The following PIR variants were observed in gnomAD, a reference collection of about 807,000 sequenced individuals.
The protein encoded by PIR is pirin (iron-binding nuclear protein).
A neutral mutation model predicts 24.2 loss-of-function variants in PIR; 22 were observed. The ratio of observed to expected loss-of-function variants is 0.91; its 90% CI spans 0.65 to 1.30. The LOEUF is 1.30. Ranked by LOEUF, PIR falls within the 50% of genes most tolerant of loss-of-function variation. PIR has a pLI of 0.00. For missense variants in PIR, 220 were observed against 220.3 expected (o/e 1.00, Z 0.01); for synonymous variants, 80 against 79.6 (o/e 1.00, Z -0.03).
intron 7 of PIR, among the ~76,000 whole-genome samples, chrX:15,404,038 T>C (rs1924479870): frequency 2.8e-5 from 3 of 108,896 alleles, no homozygotes; most frequent in South Asian, 8.3e-4. Context: ...TCCCGCTCTG[T>C]TGCCTAGGCT....
chrX:15,446,609 C>A (rs1238362299), intron 5 of PIR, among the ~76,000 whole-genome samples: 1 of 111,891 alleles, frequency 8.9e-6, no homozygotes, highest in Non-Finnish European at 1.9e-5. Context: ...TTCACCAGGT[C>A]AGTTTTCTCC....
chrX:15,444,545 CA>C (rs1162208417), intron 5 of PIR, among the ~76,000 whole-genome samples: 2 of 111,412 alleles, frequency 1.8e-5, no homozygotes, highest in African/African-American at 6.5e-5. Context: ...TTCTCAACCT[CA>C]ACTCCCTACA....
intron 2 of PIR, among the ~76,000 whole-genome samples, chrX:15,488,020 T>C (rs753693908): frequency 1.8e-5 from 2 of 111,337 alleles, no homozygotes; most frequent in Non-Finnish European, 3.8e-5. Context: ...TGGCTCAGCC[T>C]GTAATCCCAG....
At chrX:15,472,969 TA>T (rs1346906020) in intron 3 of PIR, among the ~76,000 whole-genome samples, 1 of 112,342 alleles carries the variant, frequency 8.9e-6, no homozygotes, top group Non-Finnish European at 1.9e-5. Context: ...ATAAGCCATT[TA>T]AAAAAGAAAA....
intron 3 of PIR, among the ~76,000 whole-genome samples, chrX:15,476,966 G>A (rs190668126): frequency 9.0e-6 from 1 of 111,706 alleles, no homozygotes; most frequent in East Asian, 2.8e-4. Flanking sequence ...AATGCTTATA[G>A]TATAATACTA....
intron 3 of PIR, among the ~76,000 whole-genome samples, chrX:15,464,896 T>G (rs911351916): frequency 8.0e-5 from 9 of 112,256 alleles, no homozygotes; most frequent in Non-Finnish European, 1.5e-4. Flanking sequence ...TCCCCAAATA[T>G]TTTTCAATTA....
At chrX:15,488,742 T>C (rs1307719265) in intron 2 of PIR, among the ~76,000 whole-genome samples, 2 of 111,632 alleles carry the variant, frequency 1.8e-5, no homozygotes, top group African/African-American at 6.5e-5. Flanking sequence ...GGTAGAGTCA[T>C]ACCTGGGGTA....
chrX:15,417,404 C>G (rs1383671207), intron 6 of PIR, among the ~76,000 whole-genome samples: 1 of 112,244 alleles, frequency 8.9e-6, no homozygotes, highest in East Asian at 2.8e-4. Context: ...TAAATGTATA[C>G]TAATGTGACT....
At chrX:15,421,446 A>T (rs1925127881) in intron 6 of PIR, among the ~76,000 whole-genome samples, 1 of 111,351 alleles carries the variant, frequency 9.0e-6, no homozygotes, top group South Asian at 3.7e-4. Context: ...AAAATCAGAA[A>T]TGAAAAAGAA....
At chrX:15,469,932 G>A (rs1921797385) in intron 3 of PIR, among the ~76,000 whole-genome samples, 1 of 111,842 alleles carries the variant, frequency 8.9e-6, no homozygotes, top group Admixed American at 9.5e-5. Context: ...GTAAGTGAGT[G>A]GCAGAAGGAG....
chrX:15,463,244 C>T (rs1921389977), intron 3 of PIR, among the ~76,000 whole-genome samples: 1 of 111,754 alleles, frequency 8.9e-6, no homozygotes. Flanking sequence ...TCAGCTTTAT[C>T]AGAAATAAAG....
intron 6 of PIR, among the ~76,000 whole-genome samples, chrX:15,414,721 T>A (rs1924856627): frequency 9.0e-6 from 1 of 111,428 alleles, no homozygotes; most frequent in Non-Finnish European, 1.9e-5. Context: ...AGACAGAGTC[T>A]CACTTTGTTG....
intron 2 of PIR, among the ~76,000 whole-genome samples, chrX:15,488,646 A>T (rs1237570869): frequency 3.6e-5 from 4 of 112,311 alleles, no homozygotes; most frequent in Non-Finnish European, 7.5e-5. Flanking sequence ...TTATATGGAA[A>T]CAAACAAAAA....
intron 5 of PIR, among the ~76,000 whole-genome samples, chrX:15,436,833 T>G (rs1925765347): frequency 8.9e-6 from 1 of 112,504 alleles, no homozygotes; most frequent in Non-Finnish European, 1.9e-5. Flanking sequence ...ATAGATATGT[T>G]TCTTCAATTT....
intron 3 of PIR, among the ~76,000 whole-genome samples, chrX:15,468,130 T>C (rs1157116338): frequency 8.9e-6 from 1 of 112,550 alleles, no homozygotes; most frequent in Non-Finnish European, 1.9e-5. Flanking sequence ...CATAAACGGG[T>C]AGTCGGAACT....
At chrX:15,417,550 C>A (rs1924966807) in intron 6 of PIR, among the ~76,000 whole-genome samples, 1 of 111,249 alleles carries the variant, frequency 9.0e-6, no homozygotes, top group African/African-American at 3.3e-5. Context: ...GCTGCTATAA[C>A]AAATTACTCT....
intron 5 of PIR, among the ~76,000 whole-genome samples, chrX:15,432,562 C>T: frequency 8.9e-6 from 1 of 111,950 alleles, no homozygotes; most frequent in Non-Finnish European, 1.9e-5. Flanking sequence ...TATTCAGAAA[C>T]TGAGAGGAGA....
At chrX:15,449,626 A>C (rs73451231) in intron 5 of PIR, among the ~76,000 whole-genome samples, 1,626 of 112,109 alleles carry the variant, frequency 0.015, 28 homozygotes, top group African/African-American at 0.048. Context: ...TGGCCATCCA[A>C]TGTTTTAAAA....
chrX:15,429,400 G>T (rs1243135801), intron 5 of PIR: 1 of 112,109 alleles, frequency 8.9e-6, no homozygotes, highest in South Asian at 3.7e-4. Flanking sequence ...AATTCATTTT[G>T]CAGATGTTTT....
Sources: allele counts gnomAD v4.1 joint callset (sites outside exome capture counted in the v4.1 genomes callset), GRCh38; gene constraint gnomAD v4.1.1; transcripts MANE v1.5; gene names NCBI Gene and HGNC (gene_info 2026-07-23, HGNC 2026-07-21).